The following IKZF1 variants were observed in gnomAD, a reference collection of about 807,000 sequenced individuals.
The protein encoded by IKZF1 is IKAROS family zinc finger 1, also known as DNA-binding protein Ikaros.
A neutral mutation model predicts 51.7 loss-of-function variants in IKZF1; 10 were observed. The observed-to-expected ratio is 0.19, with a 90% CI of 0.12 to 0.33. IKZF1 has a LOEUF of 0.33. Ranked by LOEUF, IKZF1 falls within the 10% of genes least tolerant of loss-of-function variation. The pLI is 1.00. For synonymous variants in IKZF1, 280 were observed against 282.3 expected, an observed-to-expected ratio of 0.99 and a Z score of 0.08; for missense variants, 484 against 707.5, an observed-to-expected ratio of 0.68 and a Z score of 3.58.
chr7:50,377,336 G>A (rs529990975), intron 4 of IKZF1: 1 of 154,272 alleles, frequency 6.5e-6, no homozygotes, highest in East Asian at 1.9e-4. Context: ...CCTCTAACAG[G>A]AAAGACTTTG....
chr7:50,381,911 T>C (rs1811945806), intron 4 of IKZF1, among the ~76,000 whole-genome samples: 1 of 152,204 alleles, frequency 6.6e-6, no homozygotes, highest in African/African-American at 2.4e-5. Context: ...TCTCTCTTTC[T>C]CTCATCCTCA....
At chr7:50,351,046 T>TA (rs1414547139) in intron 3 of IKZF1, among the ~76,000 whole-genome samples, 1 of 152,266 alleles carries the variant, frequency 6.6e-6, no homozygotes, top group Non-Finnish European at 1.5e-5. Flanking sequence ...GTTCGTGTGT[T>TA]ACCTCTCGGA....
At position 50,400,435 on chromosome 7, in the gene IKZF1, G is replaced by A. The variant is rs745845648; in HGVS notation, c.1368G>A (p.Gly456=). The A allele has an allele frequency of 3.0e-5, 49 of 1,613,822 alleles. No homozygotes were observed. Among genetic ancestry groups the A allele is most frequent in the Non-Finnish European group, 3.9e-5 (46 of 1,179,884 alleles). ...CGCTCCGCGTGGTCAGCACCAGCGG[G>A]GAGCAGATGAAGGTGTACAAGTGCG... ...QDALRVVSTS[G]EQMKVYKCEH... The change falls in exon 8 of 8, where the codon GGG becomes GGA. Residue 456 remains glycine (G), a synonymous_variant. Coordinates refer to ENST00000331340, the MANE Select transcript of IKZF1 (RefSeq NM_006060.6). This position sits in a 1 kb window ranked among gnomAD's most constrained non-coding sequence, Gnocchi z 5.4.
At chr7:50,340,506 TTC>T (rs1798837848) in intron 3 of IKZF1, among the ~76,000 whole-genome samples, 1 of 152,242 alleles carries the variant, frequency 6.6e-6, no homozygotes, top group Non-Finnish European at 1.5e-5. Context: ...GATGTGGCTG[TTC>T]TCTTTTTCAG....
intron 1 of IKZF1, among the ~76,000 whole-genome samples, chr7:50,315,333 G>A (rs907537634): frequency 6.6e-6 from 1 of 152,124 alleles, no homozygotes; most frequent in African/African-American, 2.4e-5. Flanking sequence ...AAGACAGACA[G>A]AGATTTAGAC....
At chr7:50,326,414 A>G (rs1795032638) in intron 2 of IKZF1, among the ~76,000 whole-genome samples, 1 of 152,178 alleles carries the variant, frequency 6.6e-6, no homozygotes, top group Non-Finnish European at 1.5e-5. Flanking sequence ...TTCCACACGT[A>G]GCTATACTGC....
intron 2 of IKZF1, among the ~76,000 whole-genome samples, chr7:50,324,664 G>A (rs1775263417): frequency 6.6e-6 from 1 of 152,218 alleles, no homozygotes; most frequent in African/African-American, 2.4e-5. Context: ...TGCAGGAACT[G>A]AAGGCAGATG....
intron 4 of IKZF1, among the ~76,000 whole-genome samples, 170 bp from the exon 5 acceptor site, chr7:50,382,370 C>G (rs1307366159): frequency 6.6e-6 from 1 of 152,204 alleles, no homozygotes; most frequent in East Asian, 1.9e-4. Context: ...ATTGACCCAG[C>G]CAGTGAAGCG....
intron 1 of IKZF1, chr7:50,318,353 A>G: frequency 4.4e-6 from 1 of 228,134 alleles, no homozygotes; most frequent in Non-Finnish European, 8.7e-6. Flanking sequence ...TGTCAGCAAA[A>G]CAGGAAGGCT....
At position 50,404,251 on chromosome 7, in the gene IKZF1, G is replaced by A. The variant is rs767057891; in HGVS notation, c.*3624G>A. The A allele has an allele frequency of 1.4e-5, 3 of 219,146 alleles. No individual in the cohort carries two copies. Among genetic ancestry groups the A allele is most frequent in the Non-Finnish European group, 2.8e-5 (3 of 108,808 alleles). 13.6% of individuals were successfully genotyped at this position (219,146 alleles called of 1,614,324 possible). A position where few individuals can be genotyped will look rare whatever the true frequency, so the allele number is the denominator to read the frequency against. On this transcript the variant is annotated 3_prime_UTR_variant, in exon 8 of 8. Transcript: ENST00000331340. ...TTAGGTCTTCAGCTGCCCTTCTGGC[G>A]AGTACATGCACAGGATTGTAAATGA...
chr7:50,368,481 A>G, intron 3 of IKZF1: 2 of 602,684 alleles, frequency 3.3e-6, no homozygotes, highest in Non-Finnish European at 5.9e-6. Context: ...AGAAGGAGAT[A>G]TGCTCTTCAT....
At chr7:50,367,090 A>G (rs142343791) in intron 3 of IKZF1, among the ~76,000 whole-genome samples, 18 of 152,342 alleles carry the variant, frequency 1.2e-4, no homozygotes, top group African/African-American at 4.1e-4. Flanking sequence ...TATCCCAATA[A>G]TTTATTTCCC....
chr7:50,390,079 C>T (rs1205381194), intron 6 of IKZF1, among the ~76,000 whole-genome samples: 1 of 152,236 alleles, frequency 6.6e-6, no homozygotes, highest in Non-Finnish European at 1.5e-5. Flanking sequence ...ATAAGTTTCT[C>T]TTGAGCCTTT....
At chr7:50,351,239 C>G in intron 3 of IKZF1, among the ~76,000 whole-genome samples, 1 of 151,996 alleles carries the variant, frequency 6.6e-6, no homozygotes, top group East Asian at 1.9e-4. Flanking sequence ...GTAGATTTAA[C>G]CATTATGTAA....
At chr7:50,360,293 G>A (rs1020699544) in intron 3 of IKZF1, among the ~76,000 whole-genome samples, 3 of 152,068 alleles carry the variant, frequency 2.0e-5, no homozygotes, top group Admixed American at 1.3e-4. Context: ...GGGAATGGCC[G>A]TGTCTGTCTG....
Position 50,400,854 on chromosome 7 carries a change from C to A in IKZF1, c.*227C>A. 1.7e-6 allele frequency: 1 copy of A among 587,950 alleles called. No homozygotes were observed. The highest frequency in any genetic ancestry group is 4.6e-4 in the Middle Eastern group (1 of 2,178). The allele number at this position is 587,950 out of a possible 1,614,324, so 36.4% of individuals were successfully genotyped here. A position where few individuals can be genotyped will look rare whatever the true frequency, so the allele number is the denominator to read the frequency against. ...AGGGCTGCATTGGGAGCATCCAGAACTGCTACCTTCCTAGATGTTTCCCCA... is the reference window on the plus strand; with the variant it reads ...AGGGCTGCATTGGGAGCATCCAGAAATGCTACCTTCCTAGATGTTTCCCCA... On this transcript the variant is annotated 3_prime_UTR_variant, in exon 8 of 8. Transcript: ENST00000331340. The surrounding 1 kb of genome is among the most constrained non-coding windows in gnomAD (Gnocchi z 5.4).
chr7:50,377,235 G>A (rs1382671798), intron 4 of IKZF1: 2 of 160,740 alleles, frequency 1.2e-5, no homozygotes, highest in African/African-American at 4.8e-5. Context: ...CAAACTAACA[G>A]GGTTTGATGT....
In IKZF1 at chr7:50,329,727, G is replaced by T. The variant is rs188183303; in HGVS notation, c.160+1970G>T. ...AAACAGATGCTCACACCCTGCCCAA[G>T]AACACAGAGGCTCAGGGACTGAACC... is the stretch of plus-strand genomic sequence containing the variant. On this transcript the variant is annotated intron_variant, in intron 3 of 7. Coordinates refer to ENST00000331340, the MANE Select transcript of IKZF1 (RefSeq NM_006060.6). Among the ~76,000 whole-genome samples the T allele has an allele frequency of 8.1e-4, 124 of 152,270 alleles. 1 individual carries two copies. Among genetic ancestry groups the T allele is most frequent in the African/African-American group, 2.9e-3 (122 of 41,540 alleles).
chr7:50,346,267 C>G (rs1159283615), intron 3 of IKZF1, among the ~76,000 whole-genome samples: 2 of 152,178 alleles, frequency 1.3e-5, no homozygotes, highest in African/African-American at 4.8e-5. Context: ...TAAGTTCTTC[C>G]TAAGCATCCT....
Sources: gnomAD v4.1 joint callset for allele counts (sites outside exome capture counted in the v4.1 genomes callset) on GRCh38, gnomAD v4.1.1 for gene constraint, Gnocchi (gnomAD v3.1) non-coding constraint, MANE v1.5 for transcripts, NCBI Gene and HGNC (gene_info 2026-07-23, HGNC 2026-07-21) for gene names.